IRF2: variants seen among roughly 807,000 people sequenced by gnomAD.
The protein encoded by IRF2 is interferon regulatory factor 2.
In IRF2, 15 loss-of-function variants were observed where a neutral mutation model predicts 40.6. The ratio of observed to expected loss-of-function variants is 0.37; its 90% CI spans 0.25 to 0.57. IRF2 has a LOEUF of 0.57. Among genes scored for constraint, IRF2 ranks in the 20% least tolerant of loss-of-function variants. The probability of loss-of-function intolerance (pLI) is 0.77; values close to 1 mark genes in which losing one functional copy is unlikely to be tolerated. For missense variants in IRF2, 317 were observed against 455.7 expected (o/e 0.70, Z 2.77); for synonymous variants, 151 against 165.5 (o/e 0.91, Z 0.67).
At chr4:184,437,144 C>A (rs962798593) in intron 1 of IRF2, among the ~76,000 whole-genome samples, 9 of 152,322 alleles carry the variant, frequency 5.9e-5, no homozygotes, top group African/African-American at 2.2e-4. Context: ...CAACCTCTGC[C>A]TCCCGGGTTC....
At chr4:184,449,747 G>A (rs921218190) in intron 1 of IRF2, among the ~76,000 whole-genome samples, 3 of 152,196 alleles carry the variant, frequency 2.0e-5, no homozygotes, top group Non-Finnish European at 4.4e-5. Flanking sequence ...CTGGAATGTT[G>A]TTTATGTAGA....
intron 1 of IRF2, among the ~76,000 whole-genome samples, chr4:184,450,227 A>G (rs1366687156): frequency 6.6e-6 from 1 of 152,250 alleles, no homozygotes; most frequent in Non-Finnish European, 1.5e-5. Context: ...GAATAGCTTC[A>G]TGTCAATTCA....
intron 6 of IRF2, among the ~76,000 whole-genome samples, chr4:184,403,996 T>C (rs1358464219): frequency 1.3e-5 from 2 of 152,244 alleles, no homozygotes; most frequent in African/African-American, 2.4e-5. Flanking sequence ...GGTTTGCTTC[T>C]TTAAAAGGTC....
chr4:184,470,815 G>T (rs1052095208), intron 1 of IRF2, among the ~76,000 whole-genome samples: 2 of 152,050 alleles, frequency 1.3e-5, no homozygotes, highest in Admixed American at 6.5e-5. Context: ...TCAGACTAAA[G>T]CACAGAGAGG....
At chr4:184,424,526 T>A (rs1383517339) in intron 2 of IRF2, among the ~76,000 whole-genome samples, 5 of 152,128 alleles carry the variant, frequency 3.3e-5, no homozygotes. Context: ...TGTGGCTTTT[T>A]AAGAGGAAGA....
intron 1 of IRF2, among the ~76,000 whole-genome samples, chr4:184,441,583 TGTGA>T (rs1468460420): frequency 1.3e-5 from 2 of 152,360 alleles, no homozygotes; most frequent in East Asian, 3.9e-4. Context: ...GGAGCTTTTC[TGTGA>T]GTAACTGCCT....
intron 6 of IRF2, among the ~76,000 whole-genome samples, chr4:184,402,217 G>C (rs964301942): frequency 6.6e-6 from 1 of 152,210 alleles, no homozygotes; most frequent in Non-Finnish European, 1.5e-5. Context: ...GCCATACAAT[G>C]GAAGCTAGAG....
intron 1 of IRF2, among the ~76,000 whole-genome samples, chr4:184,467,725 A>G (rs557994124): frequency 2.4e-4 from 37 of 152,356 alleles, no homozygotes; most frequent in Non-Finnish European, 4.0e-4. Flanking sequence ...ACACTCAATA[A>G]GAACAAATTA....
intron 1 of IRF2, among the ~76,000 whole-genome samples, chr4:184,440,741 C>A (rs1443273031): frequency 6.6e-6 from 1 of 152,218 alleles, no homozygotes; most frequent in African/African-American, 2.4e-5. Flanking sequence ...CTGCGAGGCT[C>A]TTCTTTCTGA....
At chr4:184,397,198 A>T (rs1013587967) in intron 7 of IRF2, among the ~76,000 whole-genome samples, 4 of 152,220 alleles carry the variant, frequency 2.6e-5, no homozygotes, top group African/African-American at 7.2e-5. Context: ...CTCCTAGCAT[A>T]AATGCACACT....
At chr4:184,439,454 T>C (rs976898746) in intron 1 of IRF2, among the ~76,000 whole-genome samples, 11 of 151,956 alleles carry the variant, frequency 7.2e-5, no homozygotes, top group African/African-American at 2.7e-4. Flanking sequence ...TGAAAATCAC[T>C]GTTATTTAGT....
chr4:184,466,094 C>T lies in IRF2; in HGVS notation c.-7+8285G>A, dbSNP rs530805122. On this transcript the variant is annotated intron_variant, in intron 1 of 8. Coordinates refer to ENST00000393593, the MANE Select transcript of IRF2 (RefSeq NM_002199.4). ...TTTTTTTTTGAGATGAAGTCTCACG[C>T]TTGTCACCCAAGCTGGTGCGATCTC... is the stretch of plus-strand genomic sequence containing the variant. 7.5e-4 allele frequency among the ~76,000 whole-genome samples: 113 copies of T among 150,538 alleles called. 1 individual carries two copies. In the South Asian group the frequency reaches 0.01, roughly 14 times the overall value.
chr4:184,458,110 T>C (rs1480689354), intron 1 of IRF2, among the ~76,000 whole-genome samples: 1 of 152,246 alleles, frequency 6.6e-6, no homozygotes, highest in Non-Finnish European at 1.5e-5. Flanking sequence ...CAGATGACAT[T>C]GCCTCCCTCC....
intron 1 of IRF2, among the ~76,000 whole-genome samples, chr4:184,468,503 A>AAT (rs397741066): frequency 2.0e-5 from 3 of 151,746 alleles, no homozygotes; most frequent in Non-Finnish European, 4.4e-5. Flanking sequence ...AGAAAAAAAA[A>AAT]GGAAAATTCA....
At chr4:184,437,035 C>A (rs1473552390) in intron 1 of IRF2, among the ~76,000 whole-genome samples, 2 of 152,058 alleles carry the variant, frequency 1.3e-5, no homozygotes, top group Admixed American at 6.6e-5. Flanking sequence ...ACAGGTGCAT[C>A]CACTACACCC....
intron 2 of IRF2, among the ~76,000 whole-genome samples, chr4:184,424,522 T>A (rs1255803660): frequency 6.6e-6 from 1 of 152,274 alleles, no homozygotes; most frequent in East Asian, 1.9e-4. Flanking sequence ...GGATTGTGGC[T>A]TTTTAAGAGG....
chr4:184,428,824 A>T (rs114571855), intron 2 of IRF2, 154 bp downstream of exon 2: 1 of 699,270 alleles, frequency 1.4e-6, no homozygotes, highest in Non-Finnish European at 2.6e-6. Flanking sequence ...CTTTGAGATG[A>T]TAACTTGATG....
In IRF2 at chr4:184,448,840, G is replaced by A. The variant is rs1738609606; in HGVS notation, c.-6-19770C>T. 6.6e-6 allele frequency: 1 copy of A among 152,190 alleles called. No individual in the cohort carries two copies. Among genetic ancestry groups the A allele is most frequent in the Non-Finnish European group, 1.5e-5 (1 of 68,064 alleles). The allele number at this position is 152,190 out of a possible 1,614,324, so 9.4% of individuals were successfully genotyped here. A position where few individuals can be genotyped will look rare whatever the true frequency, so the allele number is the denominator to read the frequency against. ...CATGACAACAGTTCCCACTCCCACA[G>A]CTTTTCAAGCACTTGGCTCAGGGAA... On this transcript the variant is annotated intron_variant, in intron 1 of 8. Transcript: ENST00000393593. This position sits in a 1 kb window ranked among gnomAD's most constrained non-coding sequence, Gnocchi z 4.3.
chr4:184,470,710 GAAAA>G (rs78540430), intron 1 of IRF2, among the ~76,000 whole-genome samples: 6 of 134,510 alleles, frequency 4.5e-5, no homozygotes, highest in Admixed American at 7.4e-5. Context: ...AAAAAGAAAA[GAAAA>G]AAAAGGTGGT....
Sources: allele counts gnomAD v4.1 joint callset (sites outside exome capture counted in the v4.1 genomes callset), GRCh38; gene constraint gnomAD v4.1.1; non-coding constraint Gnocchi (gnomAD v3.1); transcripts MANE v1.5; gene names NCBI Gene and HGNC (gene_info 2026-07-23, HGNC 2026-07-21).